Variants in RIN3 observed in about 807,000 individuals in gnomAD.
RIN3 encodes the protein RAB5 interacting protein 3.
Under a neutral mutation model 76.3 loss-of-function variants are expected in RIN3, and 54 were observed. The ratio of observed to expected loss-of-function variants is 0.71; its 90% CI spans 0.57 to 0.89. The LOEUF is 0.89. Ranked by LOEUF, RIN3 falls within the 40% of genes least tolerant of loss-of-function variation. The pLI, the probability that RIN3 is intolerant of heterozygous loss-of-function variation, is 0.00. For missense variants in RIN3, 1,256 were observed against 1,322.1 expected (o/e 0.95, Z 0.78); for synonymous variants, 576 against 564.0 (o/e 1.02, Z -0.30).
intron 4 of RIN3, among the ~76,000 whole-genome samples, chr14:92,629,626 C>G (rs916266396): frequency 3.3e-5 from 5 of 152,196 alleles, no homozygotes; most frequent in Non-Finnish European, 1.5e-5. Flanking sequence ...TTTTCCTGCC[C>G]CAGTAATAGT....
At chr14:92,657,751 A>G (rs527400861) in intron 6 of RIN3, among the ~76,000 whole-genome samples, 2 of 152,280 alleles carry the variant, frequency 1.3e-5, no homozygotes, top group African/African-American at 4.8e-5. Context: ...AGGGTCAGGA[A>G]CGGGGTGAGG....
rs1004866062 is a variant in RIN3, at chr14:92,643,016, C to T, written c.532+1687C>T. 1.3e-5 allele frequency among the ~76,000 whole-genome samples: 2 copies of T among 152,016 alleles called. No individual in the cohort carries two copies. The highest frequency in any genetic ancestry group is 4.8e-5 in the African/African-American group (2 of 41,392). ...TGGCAGAGCTTGGATGAACCCAGGC[C>T]GTTTAGCTCCCACACCTGCCATCGT... On this transcript the variant is annotated intron_variant, in intron 5 of 9. Transcript: ENST00000216487. The surrounding 1 kb of genome is among the most constrained non-coding windows in gnomAD (Gnocchi z 4.8).
intron 1 of RIN3, among the ~76,000 whole-genome samples, chr14:92,547,067 TTTATTTTATA>T (rs1897287184): frequency 1.4e-5 from 1 of 73,670 alleles, no homozygotes; most frequent in Non-Finnish European, 3.5e-5. Context: ...TAAATTATAT[TTTATTTTATA>T]TTATATTATA....
chr14:92,688,045 G>A lies in RIN3; in HGVS notation c.2751G>A (p.Arg917=), dbSNP rs1206892765. Residue 917 remains arginine, a synonymous_variant, in exon 10 of 10, where the codon CGG becomes CGA. Transcript: ENST00000216487. The part of the protein sequence containing the change: ...AQCAEKFAVE[R]PQAHRLFVLV... ...GCGCGGAGAAGTTCGCGGTGGAGCG[G>A]CCGCAGGCGCACCGGCTGTTCGTGC... 6.3e-7 allele frequency: 1 copy of A among 1,598,862 alleles called. No individual in the cohort carries two copies. Among genetic ancestry groups the A allele is most frequent in the Admixed American group, 1.7e-5 (1 of 58,388 alleles).
chr14:92,592,413 A>AG (rs1469508120), intron 3 of RIN3, among the ~76,000 whole-genome samples: 1 of 151,234 alleles, frequency 6.6e-6, no homozygotes, highest in Non-Finnish European at 1.5e-5. Context: ...AAAAAAAAAA[A>AG]AAAAGGTACA....
chr14:92,566,038 C>A (rs1246697524), intron 2 of RIN3, among the ~76,000 whole-genome samples: 1 of 152,194 alleles, frequency 6.6e-6, no homozygotes, highest in Non-Finnish European at 1.5e-5. Context: ...TCTGCTAATA[C>A]CACCTGTGCA....
chr14:92,646,097 AAG>A (rs756609892), intron 5 of RIN3, among the ~76,000 whole-genome samples: 37 of 152,316 alleles, frequency 2.4e-4, no homozygotes, highest in Admixed American at 6.5e-4. Context: ...CAGAGAGAGA[AAG>A]AGAGATCGAC....
chr14:92,541,242 C>T (rs1027250605), intron 1 of RIN3, among the ~76,000 whole-genome samples: 1 of 152,232 alleles, frequency 6.6e-6, no homozygotes, highest in Non-Finnish European at 1.5e-5. Flanking sequence ...CCATTCATCT[C>T]CACAATGTGA....
intron 7 of RIN3, among the ~76,000 whole-genome samples, chr14:92,675,624 C>T (rs748568489): frequency 3.3e-5 from 5 of 152,312 alleles, no homozygotes; most frequent in Non-Finnish European, 7.4e-5. Flanking sequence ...CTCACCGAAG[C>T]TTCATTTCTC....
In RIN3 at chr14:92,652,008, C is replaced by A; in HGVS notation, c.959C>A (p.Pro320His). ...PLPTSPPVPAPHVTPHAPGPP... is the reference protein window; with the variant it reads ...PLPTSPPVPAHHVTPHAPGPP... ...CCCACCTCTCCCCCAGTGCCTGCCC[C>A]CCACGTCACACCCCATGCCCCAGGT... Residue 320 changes from proline (P) to histidine (H), a missense_variant, in exon 6 of 10, where the codon CCC becomes CAC. Physicochemically the swap from Pro to His is moderately conservative, Grantham distance 77. This residue lies in a region of RIN3 where 610 missense variants were observed against 626.4 expected (regional missense o/e 0.97). Transcript: ENST00000216487. This position sits in a 1 kb window ranked among gnomAD's most constrained non-coding sequence, Gnocchi z 6.4. 1 of 1,569,134 alleles carries A rather than the reference C, an allele frequency of 6.4e-7. No homozygotes were observed. The highest frequency in any genetic ancestry group is 2.3e-5 in the East Asian group (1 of 44,426).
intron 2 of RIN3, among the ~76,000 whole-genome samples, chr14:92,566,657 A>G (rs1897923440): frequency 6.6e-6 from 1 of 152,180 alleles, no homozygotes; most frequent in Admixed American, 6.5e-5. Flanking sequence ...GGCAGGGACT[A>G]TTATGACCCC....
At chr14:92,608,802 T>C (rs1234942852) in intron 3 of RIN3, among the ~76,000 whole-genome samples, 1 of 152,232 alleles carries the variant, frequency 6.6e-6, no homozygotes, top group African/African-American at 2.4e-5. Flanking sequence ...CCCAAAGTGC[T>C]GGGATTACAG....
intron 7 of RIN3, among the ~76,000 whole-genome samples, chr14:92,663,030 C>T (rs557891178): frequency 1.3e-5 from 2 of 152,138 alleles, no homozygotes; most frequent in South Asian, 2.1e-4. Context: ...AGGCTGGTCT[C>T]GAACTCCTGA....
intron 3 of RIN3, among the ~76,000 whole-genome samples, chr14:92,580,848 A>G (rs940639092): frequency 6.6e-6 from 1 of 152,238 alleles, no homozygotes; most frequent in Non-Finnish European, 1.5e-5. Flanking sequence ...TGGTCACAAG[A>G]TCACACCTAA....
At chr14:92,572,826 C>T (rs944086965) in intron 2 of RIN3, among the ~76,000 whole-genome samples, 1 of 150,960 alleles carries the variant, frequency 6.6e-6, no homozygotes, top group Non-Finnish European at 1.5e-5. Context: ...TGCCATGACC[C>T]ACTGATGGGA....
At position 92,568,701 on chromosome 14, in the gene RIN3, A is replaced by G. The variant is rs1334730143; in HGVS notation, c.250-8659A>G. Among the ~76,000 whole-genome samples the G allele has an allele frequency of 6.6e-6, 1 of 152,002 alleles. No homozygotes were observed. The highest frequency in any genetic ancestry group is 1.5e-5 in the Non-Finnish European group (1 of 67,994). ...CAAACTCAGAGTCCGTCCCTGCCCC[A>G]CTCTCCATCGTGAACTCACAGCCTC... On this transcript the variant is annotated intron_variant, in intron 2 of 9. Transcript: ENST00000216487. The surrounding 1 kb of genome is among the most constrained non-coding windows in gnomAD (Gnocchi z 4.2).
chr14:92,546,117 G>T (rs1217836196), intron 1 of RIN3, among the ~76,000 whole-genome samples: 1 of 152,006 alleles, frequency 6.6e-6, no homozygotes, highest in East Asian at 1.9e-4. Flanking sequence ...TAGAGACAGG[G>T]TTTCACCGTG....
At chr14:92,567,694 A>T (rs8013801) in intron 2 of RIN3, among the ~76,000 whole-genome samples, 33,008 of 148,324 alleles carry the variant, frequency 0.22, 4,089 homozygotes, top group Middle Eastern at 0.29. Context: ...GTGAAAATAG[A>T]CTCCATCTCT....
intron 4 of RIN3, among the ~76,000 whole-genome samples, chr14:92,621,225 G>C (rs1283702269): frequency 2.5e-5 from 1 of 39,260 alleles, no homozygotes; most frequent in Non-Finnish European, 4.3e-5. Context: ...GACAGAGCGA[G>C]ACTCCGTCTC....
Sources: allele counts gnomAD v4.1 joint callset (sites outside exome capture counted in the v4.1 genomes callset), GRCh38; gene constraint gnomAD v4.1.1; regional missense constraint gnomAD v4.1.1; non-coding constraint Gnocchi (gnomAD v3.1); transcripts MANE v1.5; gene names NCBI Gene and HGNC (gene_info 2026-07-23, HGNC 2026-07-21).